Variants in SDHA observed in about 807,000 individuals in gnomAD.
SDHA encodes the protein succinate dehydrogenase complex flavoprotein subunit A, also known as succinate dehydrogenase [ubiquinone] flavoprotein subunit, mitochondrial.
In SDHA, 48 loss-of-function variants were observed where a neutral mutation model predicts 78.4. That is an observed-to-expected ratio of 0.61 (90% confidence interval 0.49 to 0.78). The LOEUF (loss-of-function observed/expected upper bound fraction) is 0.78, where lower values mean the gene tolerates loss of function less well. Ranked by LOEUF, SDHA falls within the 30% of genes least tolerant of loss-of-function variation. SDHA has a pLI of 0.00. For missense variants in SDHA, 680 were observed against 892.7 expected, an observed-to-expected ratio of 0.76 and a Z score of 3.04; for synonymous variants, 326 against 353.9, an observed-to-expected ratio of 0.92 and a Z score of 0.88.
intron 2 of SDHA, among the ~76,000 whole-genome samples, chr5:223,914 G>A (rs1734856987): frequency 6.6e-6 from 1 of 152,202 alleles, no homozygotes; most frequent in Admixed American, 6.5e-5. Flanking sequence ...TATCTGCTGT[G>A]ATAGATGATA....
intron 10 of SDHA, among the ~76,000 whole-genome samples, chr5:239,861 T>G (rs1736034175): frequency 6.6e-6 from 1 of 151,780 alleles, no homozygotes; most frequent in African/African-American, 2.4e-5. Context: ...CCTCCACCTT[T>G]AGGGTTCAAG....
At chr5:246,482 T>C (rs1736470923) in intron 11 of SDHA, among the ~76,000 whole-genome samples, 2 of 151,806 alleles carry the variant, frequency 1.3e-5, no homozygotes, top group South Asian at 4.2e-4. Flanking sequence ...CTCAAATCAA[T>C]AGAATAGATC....
chr5:262,211 C>A, the SDHA span, among the ~76,000 whole-genome samples: 5 of 121,834 alleles, frequency 4.1e-5, no homozygotes, highest in South Asian at 8.6e-4. Context: ...ACCGTGTGAG[C>A]TCCGCCTCCC....
In SDHA at chr5:233,407, GA is replaced by G. The variant is rs1310799445; in HGVS notation, c.896-63del. ...TCCTCTTTCCCCCAAAAAATGTCTT[GA>G]AAAAAATAATGCATTTGAAATAGAG... On this transcript the variant is annotated intron_variant, in intron 7 of 14. Transcript: ENST00000264932. The G allele has an allele frequency of 7.7e-6, 12 of 1,554,766 alleles. No homozygotes were observed. In the East Asian group the frequency reaches 2.3e-4, roughly 29 times the overall value.
downstream of SDHA, among the ~76,000 whole-genome samples, chr5:258,726 G>A (rs1737373378): frequency 9.3e-6 from 1 of 107,394 alleles, no homozygotes; most frequent in Non-Finnish European, 1.7e-5. Context: ...TACCGTGTGA[G>A]CTCCGCCTCC....
At chr5:247,325 A>G (rs2126622212) in intron 11 of SDHA, among the ~76,000 whole-genome samples, 1 of 152,378 alleles carries the variant, frequency 6.6e-6, no homozygotes, top group East Asian at 1.9e-4. Context: ...TGCAAACAGC[A>G]GTTAGGAGTA....
chr5:262,397 T>A, the SDHA span, among the ~76,000 whole-genome samples: 14 of 146,218 alleles, frequency 9.6e-5, no homozygotes, highest in Admixed American at 2.0e-4. Flanking sequence ...AGCATTACTG[T>A]GTGAGATCCG....
At chr5:240,906 CTT>C (rs1736098609) in intron 11 of SDHA, among the ~76,000 whole-genome samples, 1 of 151,972 alleles carries the variant, frequency 6.6e-6, no homozygotes, top group Admixed American at 6.6e-5. Context: ...ACCACATTTT[CTT>C]CATCTGGTCA....
intron 8 of SDHA, chr5:234,658 G>A (rs948592488): frequency 4.2e-5 from 9 of 216,858 alleles, no homozygotes; most frequent in Non-Finnish European, 8.4e-5. Context: ...TCCTGGAGTT[G>A]CTGTAAAACT....
At chr5:268,327 C>T in the SDHA span, among the ~76,000 whole-genome samples, 3 of 152,012 alleles carry the variant, frequency 2.0e-5, no homozygotes, top group East Asian at 1.9e-4. Flanking sequence ...GGATTACAGG[C>T]ACCTGCCACC....
intron 1 of SDHA, among the ~76,000 whole-genome samples, chr5:222,547 C>G (rs1205381280): frequency 6.6e-6 from 1 of 152,120 alleles, no homozygotes; most frequent in Admixed American, 6.5e-5. Context: ...GCCATGTTGG[C>G]CAGACTGGTC....
rs201461936 is a variant in SDHA at position 231,013 on chromosome 5, G to A, written c.895+13G>A. The A allele has an allele frequency of 2.2e-4, 348 of 1,613,708 alleles. 3 individuals are homozygous for A. Among genetic ancestry groups the A allele is most frequent in the Middle Eastern group, 1.6e-4 (1 of 6,076 alleles). On this transcript the variant is annotated intron_variant, in intron 7 of 14. Transcript: ENST00000264932. Reference sequence around the variant, plus strand: ...TTCCACCCTACAGGTAGGGCAGGACGCCTTGCCCGGCAGGTGTTTGGCTTG... The same window carrying A: ...TTCCACCCTACAGGTAGGGCAGGACACCTTGCCCGGCAGGTGTTTGGCTTG...
At chr5:226,837 G>A (rs551837585) in intron 5 of SDHA, among the ~76,000 whole-genome samples, 276 of 146,232 alleles carry the variant, frequency 1.9e-3, no homozygotes, top group African/African-American at 6.5e-3. Flanking sequence ...GCTGAGGCAG[G>A]AGAATGGCGT....
chr5:249,087 CA>C (rs1736653886), intron 11 of SDHA: 3 of 437,058 alleles, frequency 6.9e-6, no homozygotes, highest in African/African-American at 6.2e-5. Context: ...CATCCCAGCA[CA>C]CCTGACCTTA....
At chr5:222,555 G>A (rs1001586020) in intron 1 of SDHA, among the ~76,000 whole-genome samples, 42 of 151,980 alleles carry the variant, frequency 2.8e-4, no homozygotes, top group Non-Finnish European at 8.8e-5. Flanking sequence ...GGCCAGACTG[G>A]TCTTGAACTC....
chr5:243,409 A>C (rs1224840081), intron 11 of SDHA, among the ~76,000 whole-genome samples: 1 of 152,174 alleles, frequency 6.6e-6, no homozygotes, highest in Non-Finnish European at 1.5e-5. Flanking sequence ...TGTAGCTTCC[A>C]TTCAGCCTAC....
chr5:267,894 T>C, the SDHA span, among the ~76,000 whole-genome samples: 6 of 152,328 alleles, frequency 3.9e-5, no homozygotes, highest in African/African-American at 1.4e-4. Context: ...TGGCAGATGG[T>C]GGTCTCTGCT....
downstream of SDHA, among the ~76,000 whole-genome samples, chr5:257,472 CTG>C (rs1157465593): frequency 7.9e-5 from 11 of 139,702 alleles, no homozygotes; most frequent in East Asian, 2.2e-4. Context: ...GAGCATTACT[CTG>C]TGAGCTCCGC....
intron 11 of SDHA, among the ~76,000 whole-genome samples, chr5:241,192 C>T (rs1266741126): frequency 3.3e-5 from 5 of 152,144 alleles, no homozygotes; most frequent in African/African-American, 7.2e-5. Context: ...GTGTGACCTC[C>T]GTGACCTGAC....
Sources: allele counts gnomAD v4.1 joint callset (sites outside exome capture counted in the v4.1 genomes callset), GRCh38; gene constraint gnomAD v4.1.1; transcripts MANE v1.5; gene names NCBI Gene and HGNC (gene_info 2026-07-23, HGNC 2026-07-21).